HDAC2: variants seen among roughly 807,000 people sequenced by gnomAD.
HDAC2 encodes the protein histone deacetylase 2, also known as YY1-associated factor 1.
In HDAC2, 5 loss-of-function variants were observed where a neutral mutation model predicts 68.5. That is an observed-to-expected ratio of 0.07 (90% CI 0.04 to 0.15). The LOEUF (loss-of-function observed/expected upper bound fraction) is 0.15. HDAC2 is among the 10% of genes least tolerant of loss of function. The probability of loss-of-function intolerance (pLI) is 1.00; values close to 1 mark genes in which losing one functional copy is unlikely to be tolerated. For missense variants in HDAC2, 291 were observed against 600.8 expected (o/e 0.48, Z 5.39); for synonymous variants, 182 against 191.3 (o/e 0.95, Z 0.40).
At position 113,953,278 on chromosome 6, in the gene HDAC2, C is replaced by A; in HGVS notation, c.638G>T (p.Arg213Met). 1 of 1,607,808 alleles carries A rather than the reference C, an allele frequency of 6.2e-7. No homozygotes were observed. Among genetic ancestry groups the A allele is most frequent in the Non-Finnish European group, 8.5e-7 (1 of 1,175,320 alleles). ...TTTTCAGACAGAATTTAGTCTTACC[C>A]TCAAGTCTCCTGTGCCAGGAAAGTA... Reference protein sequence around the residue: ...GEYFPGTGDLRDIGAGKGKYY... With the variant: ...GEYFPGTGDLMDIGAGKGKYY... Residue 213 changes from arginine (R) to methionine (M), a missense_variant and splice_region_variant, in exon 6 of 14, where the codon AGG becomes ATG. By Grantham distance (91) the Arg-to-Met change is moderately conservative. Transcript: ENST00000519065.
intron 1 of HDAC2, among the ~76,000 whole-genome samples, chr6:113,961,751 G>A (rs1776688337): frequency 6.6e-6 from 1 of 152,022 alleles, no homozygotes; most frequent in African/African-American, 2.4e-5. Flanking sequence ...TTAATACAAG[G>A]GAAGGCATTT....
intron 6 of HDAC2, among the ~76,000 whole-genome samples, chr6:113,952,802 T>C (rs1217444168): frequency 1.3e-5 from 2 of 152,164 alleles, no homozygotes; most frequent in African/African-American, 4.8e-5. Flanking sequence ...TATGGTATCC[T>C]TTCTCTACCT....
rs1290772665 is a variant in HDAC2, at chr6:113,933,351, AG to A, written c.*7706del. The A allele has an allele frequency of 6.6e-6, 1 of 152,230 alleles. No homozygotes were observed. The highest frequency in any genetic ancestry group is 1.5e-5 in the Non-Finnish European group (1 of 68,044). 9.4% of individuals were successfully genotyped at this position (152,230 alleles called of 1,614,324 possible). A position where few individuals can be genotyped will look rare whatever the true frequency, so the allele number is the denominator to read the frequency against. On this transcript the variant is annotated 3_prime_UTR_variant, in exon 14 of 14. Transcript: ENST00000519065. ...GACATGCCCACTGAGATATTCTACA[AG>A]GCCAGAGGGTTAAGTGACTTTCCAA...
At chr6:113,969,800 T>C (rs892323460) in intron 1 of HDAC2, 1 of 152,316 alleles carries the variant, frequency 6.6e-6, no homozygotes, top group Non-Finnish European at 1.5e-5. Context: ...ATTTACCTCA[T>C]TAGAATATTT....
chr6:113,948,011 A>T (rs1776303711), intron 8 of HDAC2: 1 of 152,192 alleles, frequency 6.6e-6, no homozygotes, highest in Non-Finnish European at 1.5e-5. Flanking sequence ...TCATGATAAA[A>T]ATCATTTCTA....
In HDAC2 at chr6:113,933,126, T is replaced by C. The variant is rs1775930840; in HGVS notation, c.*7932A>G. The C allele has an allele frequency of 6.6e-6, 1 of 152,260 alleles. No individual in the cohort carries two copies. The highest frequency in any genetic ancestry group is 1.5e-5 in the Non-Finnish European group (1 of 68,046). The allele number at this position is 152,260 out of a possible 1,614,324, so 9.4% of individuals were successfully genotyped here. A position where few individuals can be genotyped will look rare whatever the true frequency, so the allele number is the denominator to read the frequency against. ...GGGAAATTATACGTAATTGCTAAAA[T>C]GTTGACATCAAAACTTTGCAGTTTG... On this transcript the variant is annotated 3_prime_UTR_variant, in exon 14 of 14. Transcript: ENST00000519065.
chr6:113,967,145 T>C (rs1173687229), intron 1 of HDAC2, among the ~76,000 whole-genome samples: 2 of 152,244 alleles, frequency 1.3e-5, no homozygotes, highest in East Asian at 3.9e-4. Context: ...ATCATCTTGG[T>C]AACTTTTTTT....
rs1776018662 is a variant in HDAC2 at position 113,937,114 on chromosome 6, A to G, written c.*3944T>C. 6.6e-6 allele frequency: 1 copy of G among 152,232 alleles called. No homozygotes were observed. The highest frequency in any genetic ancestry group is 6.5e-5 in the Admixed American group (1 of 15,284). 9.4% of individuals were successfully genotyped at this position (152,232 alleles called of 1,614,324 possible). On this transcript the variant is annotated 3_prime_UTR_variant, in exon 14 of 14. Coordinates refer to ENST00000519065, the MANE Select transcript of HDAC2 (RefSeq NM_001527.4). ...TTTCCTCATTTTAAATGATGAAGCA[A>G]CTGAGGCACAGAGGTTAGTAATTTT...
chr6:113,959,009 C>A, intron 2 of HDAC2, among the ~76,000 whole-genome samples: 1 of 152,110 alleles, frequency 6.6e-6, no homozygotes, highest in Non-Finnish European at 1.5e-5. Context: ...TTAATCACTC[C>A]TTATTTTAGT....
At chr6:113,958,399 C>T in intron 3 of HDAC2, 1 of 325,510 alleles carries the variant, frequency 3.1e-6, no homozygotes, top group Non-Finnish European at 5.6e-6. Flanking sequence ...TGTATTAACC[C>T]AAAGTTATCA....
At position 113,949,192 on chromosome 6, in the gene HDAC2, C is replaced by T; in HGVS notation, c.708G>A (p.Glu236=). The change falls in exon 7 of 14, where the codon GAG becomes GAA. Residue 236 remains glutamate, a synonymous_variant. Transcript: ENST00000519065. ...CAGGCTTAAATATCTGCCCATATGA[C>T]TCATCATCTATACCATCTCTCATTG... ...NFPMRDGIDD[E]SYGQIFKPII... is the part of the protein sequence containing the mutation. The T allele has an allele frequency of 6.2e-7, 1 of 1,609,256 alleles. No homozygotes were observed. The highest frequency in any genetic ancestry group is 8.5e-7 in the Non-Finnish European group (1 of 1,175,620).
At chr6:113,955,071 A>C (rs1158508135) in intron 5 of HDAC2, among the ~76,000 whole-genome samples, 1 of 152,238 alleles carries the variant, frequency 6.6e-6, no homozygotes, top group Non-Finnish European at 1.5e-5. Flanking sequence ...TTTTGTCTTC[A>C]GTTTAAAACA....
At position 113,953,421 on chromosome 6, in the gene HDAC2, G is replaced by A. The variant is rs1382547120; in HGVS notation, c.498-3C>T. 6.5e-7 allele frequency: 1 copy of A among 1,549,866 alleles called. No individual in the cohort carries two copies. The highest frequency in any genetic ancestry group is 8.8e-7 in the Non-Finnish European group (1 of 1,134,788). ...TATATAAGACTCTCTGATGATACCT[G>A]AAAACAAATCCATAAGTTTTGGTTT... On this transcript the variant is annotated splice_region_variant and splice_polypyrimidine_tract_variant and intron_variant, in intron 5 of 13. Transcript: ENST00000519065.
intron 12 of HDAC2, 125 bp from the exon 13 acceptor site, chr6:113,941,890 G>A (rs866850014): frequency 2.4e-5 from 7 of 295,000 alleles, no homozygotes; most frequent in East Asian, 5.8e-5. Context: ...TAATGAATTC[G>A]GTCTAAATAA....
At chr6:113,959,693 A>G (rs990156144) in intron 2 of HDAC2, 3 of 331,314 alleles carry the variant, frequency 9.1e-6, no homozygotes, top group Non-Finnish European at 5.4e-6. Flanking sequence ...GGGTAGGGGG[A>G]ACTTTTTTAA....
chr6:113,966,555 T>TAAA (rs1461429598), intron 1 of HDAC2, among the ~76,000 whole-genome samples: 1 of 84,932 alleles, frequency 1.2e-5, no homozygotes, highest in African/African-American at 4.6e-5. Context: ...AAATTCCATC[T>TAAA]CAAAAAAAAA....
At position 113,954,443 on chromosome 6, in the gene HDAC2, C is replaced by T. The variant is rs560908275; in HGVS notation, c.498-1025G>A. ...CAAAATAAAGTTTCTGAGCGGCTCACGTGTTAGATAAGCAAGGAAAGCTGT... is the reference window on the plus strand; with the variant it reads ...CAAAATAAAGTTTCTGAGCGGCTCATGTGTTAGATAAGCAAGGAAAGCTGT... On this transcript the variant is annotated intron_variant, in intron 5 of 13. Coordinates refer to ENST00000519065, the MANE Select transcript of HDAC2 (RefSeq NM_001527.4). Among the ~76,000 whole-genome samples, 34 of 152,170 alleles carry T rather than the reference C, an allele frequency of 2.2e-4. No individual in the cohort carries two copies. In the South Asian group the frequency reaches 5.2e-3, roughly 23 times the overall value.
intron 8 of HDAC2, chr6:113,946,735 T>G (rs1483998085): frequency 6.6e-6 from 1 of 152,120 alleles, no homozygotes; most frequent in Non-Finnish European, 1.5e-5. Flanking sequence ...GTAAATATTT[T>G]ATGTGGATAA....
At chr6:113,963,195 T>C (rs1776730412) in intron 1 of HDAC2, among the ~76,000 whole-genome samples, 1 of 151,472 alleles carries the variant, frequency 6.6e-6, no homozygotes, top group African/African-American at 2.4e-5. Context: ...GCAATTCTCC[T>C]GCCTCAGCCT....
Sources: allele counts gnomAD v4.1 joint callset (sites outside exome capture counted in the v4.1 genomes callset), GRCh38; gene constraint gnomAD v4.1.1; transcripts MANE v1.5; gene names NCBI Gene and HGNC (gene_info 2026-07-23, HGNC 2026-07-21).